POLR1A: variants seen among roughly 807,000 people sequenced by gnomAD.
POLR1A encodes the protein RNA polymerase I subunit A, also known as DNA-directed RNA polymerase I subunit RPA1.
A neutral mutation model predicts 205.3 loss-of-function variants in POLR1A; 84 were observed. The observed-to-expected ratio is 0.41, with a 90% CI of 0.34 to 0.49. The LOEUF (loss-of-function observed/expected upper bound fraction) is 0.49, where lower values mean the gene tolerates loss of function less well. POLR1A is among the 20% of genes least tolerant of loss of function. The pLI is 0.22. For missense variants in POLR1A, 1,645 were observed against 2,204.5 expected (o/e 0.75, Z 5.08); for synonymous variants, 799 against 863.7 (o/e 0.93, Z 1.31).
intron 3 of POLR1A, among the ~76,000 whole-genome samples, chr2:86,094,145 A>G (rs2104432619): frequency 6.6e-6 from 1 of 152,304 alleles, no homozygotes; most frequent in Middle Eastern, 3.4e-3. Flanking sequence ...AGTCTTTTCC[A>G]TGGTAAAGTT....
intron 27 of POLR1A, chr2:86,037,193 CT>C (rs1672516119): frequency 6.6e-6 from 1 of 152,342 alleles, no homozygotes. Flanking sequence ...TCCCCTGCCA[CT>C]CTGCCCAGTG....
intron 21 of POLR1A, among the ~76,000 whole-genome samples, 160 bp downstream of exon 21, chr2:86,045,118 G>C (rs1325130119): frequency 1.3e-5 from 2 of 152,208 alleles, no homozygotes; most frequent in Admixed American, 1.3e-4. Context: ...CCTGCGAAGG[G>C]GAACAGTGTT....
intron 13 of POLR1A, among the ~76,000 whole-genome samples, chr2:86,068,386 C>CGGGGGGGGGGGGG (rs543719645): frequency 2.5e-4 from 3 of 12,238 alleles, no homozygotes; most frequent in East Asian, 3.5e-3. Context: ...AGCACATGGG[C>CGGGGGGGGGGGGG]GGGGGGGGGG....
intron 14 of POLR1A, among the ~76,000 whole-genome samples, chr2:86,054,990 A>G (rs973707653): frequency 6.6e-6 from 1 of 152,170 alleles, no homozygotes; most frequent in African/African-American, 2.4e-5. Context: ...CAGGCCCCAC[A>G]AAGTAGTGTC....
chr2:86,027,209 G>A lies in POLR1A; in HGVS notation c.*214C>T. 1 of 587,206 alleles carries A rather than the reference G, an allele frequency of 1.7e-6. No homozygotes were observed. The highest frequency in any genetic ancestry group is 3.0e-6 in the Non-Finnish European group (1 of 328,760). The allele number at this position is 587,206 out of a possible 1,614,324, so 36.4% of individuals were successfully genotyped here. A position where few individuals can be genotyped will look rare whatever the true frequency, so the allele number is the denominator to read the frequency against. ...ACCTTGATAAAAATCCAGAGACAGG[G>A]AGGGGCAAGGATGAGCAACTCTGTC... is the stretch of plus-strand genomic sequence containing the variant. On this transcript the variant is annotated 3_prime_UTR_variant, in exon 34 of 34. Transcript: ENST00000263857.
intron 9 of POLR1A, among the ~76,000 whole-genome samples, chr2:86,080,141 A>G (rs559805228): frequency 6.6e-6 from 1 of 152,214 alleles, no homozygotes; most frequent in South Asian, 2.1e-4. Flanking sequence ...GAGAACCCGG[A>G]CTGTCTACCC....
At chr2:86,080,707 C>T in intron 9 of POLR1A, 109 bp downstream of exon 9, 1 of 1,102,508 alleles carries the variant, frequency 9.1e-7, no homozygotes, top group Non-Finnish European at 1.3e-6. Context: ...CTGCCAGCTG[C>T]ACAGAACATC....
chr2:86,043,798 C>G (rs2278532), intron 22 of POLR1A, among the ~76,000 whole-genome samples: 4,878 of 152,244 alleles, frequency 0.032, 173 homozygotes, highest in East Asian at 0.097. Context: ...GCTGCAAAAT[C>G]GGCAGAGTAA....
intron 15 of POLR1A, among the ~76,000 whole-genome samples, chr2:86,053,421 C>T (rs1332908744): frequency 1.3e-5 from 2 of 152,122 alleles, no homozygotes; most frequent in East Asian, 1.9e-4. Context: ...GCTTCAACCT[C>T]GTAACTGTGC....
chr2:86,093,373 A>C (rs1203175252), intron 3 of POLR1A, among the ~76,000 whole-genome samples: 1 of 152,226 alleles, frequency 6.6e-6, no homozygotes, highest in Non-Finnish European at 1.5e-5. Context: ...TGCTGATCTG[A>C]TATACCAACA....
intron 12 of POLR1A, 66 bp downstream of exon 12, chr2:86,074,964 G>T: frequency 8.8e-7 from 1 of 1,136,582 alleles, no homozygotes; most frequent in Non-Finnish European, 1.3e-6. Context: ...CACACCTGAT[G>T]GCCACCAATC....
intron 20 of POLR1A, 117 bp downstream of exon 20, chr2:86,045,499 TC>T (rs1672694042): frequency 4.6e-6 from 6 of 1,316,504 alleles, no homozygotes; most frequent in Non-Finnish European, 5.4e-6. Context: ...CTTTTTGACC[TC>T]GACAGCTACA....
In POLR1A at chr2:86,026,381, T is replaced by C. The variant is rs148949057; in HGVS notation, c.*1042A>G. 1.1e-4 allele frequency: 16 copies of C among 152,340 alleles called. No homozygotes were observed. The East Asian group carries it at 2.9e-3, about 28-fold the overall frequency. The allele number at this position is 152,340 out of a possible 1,614,324, so 9.4% of individuals were successfully genotyped here. On this transcript the variant is annotated 3_prime_UTR_variant, in exon 34 of 34. Coordinates refer to ENST00000263857, the MANE Select transcript of POLR1A (RefSeq NM_015425.6). ...CTTTCCTAATAGCTAGTTCCAATGA[T>C]GTTAATTACCCGCCCTGAGCTGAAA...
chr2:86,080,857 G>T lies in POLR1A; in HGVS notation c.1045C>A (p.Gln349Lys), dbSNP rs17026866. ...RKLLALMAQE[Q>K]KLPEEVATPT... ...GTGGCCACTTCCTCTGGCAACTTCT[G>T]TTCTTGGGCCATCAATGCCAGAAGT... The change falls in exon 9 of 34, where the codon CAG becomes AAG. Residue 349 changes from glutamine (Q) to lysine (K), a missense_variant. Transcript: ENST00000263857. 2.5e-6 allele frequency: 4 copies of T among 1,613,882 alleles called. No individual in the cohort carries two copies. The highest frequency in any genetic ancestry group is 1.7e-5 in the Admixed American group (1 of 59,968).
In POLR1A at chr2:86,059,937, C is replaced by G. The variant is rs568163017; in HGVS notation, c.2058+5337G>C. Among the ~76,000 whole-genome samples, 6 of 152,122 alleles carry G rather than the reference C, an allele frequency of 3.9e-5. No individual in the cohort carries two copies. In the East Asian group the frequency reaches 1.2e-3, roughly 29 times the overall value. ...GGGGTTGGGGAGGGAGGGAGTTTTT[C>G]CTTTTATCTTTATCAATAAACTTGT... On this transcript the variant is annotated intron_variant, in intron 14 of 33. Transcript: ENST00000263857.
chr2:86,101,065 T>G (rs2104438635), intron 1 of POLR1A, among the ~76,000 whole-genome samples: 1 of 152,334 alleles, frequency 6.6e-6, no homozygotes, highest in Non-Finnish European at 1.5e-5. Flanking sequence ...ATAGTAAATT[T>G]GACAACATTA....
In POLR1A at chr2:86,042,097, T is replaced by C; in HGVS notation, c.3364A>G (p.Arg1122Gly). ...TCCTCATCCAACTCATACCACATCC[T>C]CAGCATCTGAACAGAAGGATGGGTC... The part of the protein sequence containing the change: ...GRSPGTQEML[R>G]MWYELDEESR... Residue 1122 changes from arginine (R) to glycine (G), a missense_variant, in exon 24 of 34, where the codon AGG becomes GGG. Physicochemically the swap from Arg to Gly is moderately radical, Grantham distance 125. Coordinates refer to ENST00000263857, the MANE Select transcript of POLR1A (RefSeq NM_015425.6). The C allele has an allele frequency of 6.2e-7, 1 of 1,611,460 alleles. No individual in the cohort carries two copies. Among genetic ancestry groups the C allele is most frequent in the Non-Finnish European group, 8.5e-7 (1 of 1,179,132 alleles).
chr2:86,084,415 T>C (rs544424342), intron 6 of POLR1A, among the ~76,000 whole-genome samples: 1 of 149,234 alleles, frequency 6.7e-6, no homozygotes, highest in East Asian at 2.0e-4. Context: ...AGACCCTGTC[T>C]CAAAAAAAAA....
chr2:86,092,360 C>T (rs542242804), intron 3 of POLR1A, among the ~76,000 whole-genome samples: 1 of 152,314 alleles, frequency 6.6e-6, no homozygotes, highest in South Asian at 2.1e-4. Context: ...GCCAGGGGGG[C>T]TCCCATAGCC....
Sources: allele counts gnomAD v4.1 joint callset (sites outside exome capture counted in the v4.1 genomes callset), GRCh38; gene constraint gnomAD v4.1.1; transcripts MANE v1.5; gene names NCBI Gene and HGNC (gene_info 2026-07-23, HGNC 2026-07-21).